The following LRRC36 variants were observed in gnomAD, a reference collection of about 807,000 sequenced individuals.
LRRC36 encodes leucine rich repeat containing 36.
In LRRC36, 62 loss-of-function variants were observed where a neutral mutation model predicts 81.1. The ratio of observed to expected loss-of-function variants is 0.76; its 90% confidence interval spans 0.62 to 0.94. The LOEUF (loss-of-function observed/expected upper bound fraction) is 0.94, where lower values mean the gene tolerates loss of function less well. Among genes scored for constraint, LRRC36 ranks in the 40% least tolerant of loss-of-function variants. The pLI is 0.00. For synonymous variants in LRRC36, 334 were observed against 348.6 expected (o/e 0.96, Z 0.47); for missense variants, 761 against 881.7 (o/e 0.86, Z 1.73).
chr16:67,340,649 C>G (rs1344536504), intron 1 of LRRC36, among the ~76,000 whole-genome samples: 1 of 151,432 alleles, frequency 6.6e-6, no homozygotes, highest in African/African-American at 2.4e-5. Context: ...GAGCAAGACT[C>G]CATCTCAAAA....
intron 1 of LRRC36, among the ~76,000 whole-genome samples, chr16:67,334,424 A>G (rs1371620154): frequency 6.6e-6 from 1 of 151,976 alleles, no homozygotes; most frequent in Non-Finnish European, 1.5e-5. Flanking sequence ...TCCTGGGTTC[A>G]AGTGATTCTC....
At position 67,382,119 on chromosome 16, in the gene LRRC36, T is replaced by C. The variant is rs372848117; in HGVS notation, c.1931-14T>C. The stretch of plus-strand genomic sequence containing the variant: ...TGGAATCCTTTTCACCCCTGGCTAC[T>C]GTGCCCTTTGTAGATGATCTTCTGC... On this transcript the variant is annotated splice_polypyrimidine_tract_variant and intron_variant, in intron 12 of 13. Transcript: ENST00000329956. 7.5e-5 allele frequency: 117 copies of C among 1,555,244 alleles called. No homozygotes were observed. Among genetic ancestry groups the C allele is most frequent in the African/African-American group, 1.8e-4 (13 of 73,880 alleles).
At chr16:67,329,575 A>G (rs968869761) in intron 1 of LRRC36, among the ~76,000 whole-genome samples, 2 of 152,124 alleles carry the variant, frequency 1.3e-5, no homozygotes, top group Non-Finnish European at 2.9e-5. Context: ...ATATCATGAA[A>G]TATCTAACTA....
intron 5 of LRRC36, among the ~76,000 whole-genome samples, chr16:67,355,186 A>G (rs1407434105): frequency 6.6e-6 from 1 of 152,152 alleles, no homozygotes; most frequent in Admixed American, 6.5e-5. Flanking sequence ...GTTGCTTCCA[A>G]GTTTTGGCAA....
intron 1 of LRRC36, among the ~76,000 whole-genome samples, chr16:67,340,992 T>TACTC (rs1567470099): frequency 9.9e-6 from 1 of 101,092 alleles, no homozygotes; most frequent in African/African-American, 7.7e-5. Context: ...AATATGTATA[T>TACTC]TATATATAGA....
At chr16:67,374,447 A>G (rs1422890160) in intron 9 of LRRC36, among the ~76,000 whole-genome samples, 2 of 152,132 alleles carry the variant, frequency 1.3e-5, no homozygotes, top group South Asian at 4.2e-4. Flanking sequence ...CAGGCTTGAG[A>G]GCAGTGGCAC....
chr16:67,382,329 A>G (rs1322453658), intron 13 of LRRC36, 82 bp downstream of exon 13: 1 of 959,302 alleles, frequency 1.0e-6, no homozygotes, highest in Non-Finnish European at 1.6e-6. Flanking sequence ...GAAAGTTAAT[A>G]TCTATGCACT....
chr16:67,377,995 G>A (rs2039969655), intron 11 of LRRC36, among the ~76,000 whole-genome samples: 1 of 152,178 alleles, frequency 6.6e-6, no homozygotes, highest in Non-Finnish European at 1.5e-5. Flanking sequence ...AGAAACTTTA[G>A]ATAGATCACT....
In LRRC36 at chr16:67,377,650, T is replaced by C. The variant is rs374232549; in HGVS notation, c.1806+778T>C. 2.7e-5 allele frequency among the ~76,000 whole-genome samples: 4 copies of C among 147,320 alleles called. No homozygotes were observed. In the East Asian group the frequency reaches 8.2e-4, roughly 30 times the overall value. On this transcript the variant is annotated intron_variant, in intron 11 of 13. Transcript: ENST00000329956. ...CCTGGCCGCCTTTTTTCTTCTTTTT[T>C]TTGAGATGGGGTCTTGTTCTGTCAC...
intron 13 of LRRC36, among the ~76,000 whole-genome samples, chr16:67,383,468 C>T (rs2040188445): frequency 6.6e-6 from 1 of 152,192 alleles, no homozygotes; most frequent in Admixed American, 6.5e-5. Context: ...TGGGCCTCAT[C>T]CCACAGTTTC....
rs553292096 is a variant in LRRC36 at position 67,367,042 on chromosome 16, G to C, written c.780G>C (p.Gln260His). The C allele has an allele frequency of 6.2e-7, 1 of 1,612,692 alleles. No homozygotes were observed. Among genetic ancestry groups the C allele is most frequent in the African/African-American group, 1.3e-5 (1 of 74,966 alleles). Reference protein sequence around the residue: ...EDEFRHYSPRQSTVRSPEKMT... With the variant: ...EDEFRHYSPRHSTVRSPEKMT... Reference sequence around the variant, plus strand: ...AGTTCAGACACTACTCGCCTCGTCAGTCCACAGTCCGATCCCCAGAGAAGA... The same window carrying C: ...AGTTCAGACACTACTCGCCTCGTCACTCCACAGTCCGATCCCCAGAGAAGA... Residue 260 changes from glutamine to histidine, a missense_variant, in exon 8 of 14, where the codon CAG becomes CAC. Physicochemically the swap from Gln to His is conservative, Grantham distance 24 (BLOSUM62 0). Around this residue, in one of 3 missense-constraint regions of LRRC36, gnomAD observed 139 missense variants for 214.0 expected, o/e 0.65. Transcript: ENST00000329956.
intron 1 of LRRC36, among the ~76,000 whole-genome samples, chr16:67,331,455 T>G (rs1233012807): frequency 6.6e-6 from 1 of 151,972 alleles, no homozygotes; most frequent in Non-Finnish European, 1.5e-5. Flanking sequence ...ACCCCAGGAG[T>G]TTTAGGCTGC....
chr16:67,335,890 G>A (rs931251684), intron 1 of LRRC36, among the ~76,000 whole-genome samples: 2 of 152,020 alleles, frequency 1.3e-5, no homozygotes, highest in Admixed American at 1.3e-4. Context: ...GTGCCACTAC[G>A]CCCAGCTAAT....
intron 5 of LRRC36, among the ~76,000 whole-genome samples, chr16:67,360,049 C>T (rs1004863333): frequency 3.3e-5 from 5 of 151,368 alleles, no homozygotes; most frequent in South Asian, 2.1e-4. Context: ...TGCTTGAAGC[C>T]GGGAGGCGGA....
intron 12 of LRRC36, among the ~76,000 whole-genome samples, chr16:67,379,726 T>G (rs984787223): frequency 7.2e-5 from 11 of 152,240 alleles, no homozygotes; most frequent in Non-Finnish European, 1.5e-4. Flanking sequence ...ATAATAAAAC[T>G]GTGTCCTGGT....
rs772164476 is a variant in LRRC36, at chr16:67,363,703, C to A, written c.691C>A (p.Leu231Met). 24 of 1,613,854 alleles carry A rather than the reference C, an allele frequency of 1.5e-5. 1 individual carries two copies. In the South Asian group the frequency reaches 2.2e-4, roughly 15 times the overall value. The change falls in exon 6 of 14, where the codon CTG becomes ATG. Residue 231 changes from leucine to methionine, a missense_variant. Leu to Met is a conservative substitution (Grantham distance 15). This residue lies in a region of LRRC36 where 263 missense variants were observed against 279.3 expected (regional missense o/e 0.94). Transcript: ENST00000329956. ...TRDQKLDTFPLGTQTQEVARR... is the reference protein window; with the variant it reads ...TRDQKLDTFPMGTQTQEVARR... The stretch of plus-strand genomic sequence containing the variant: ...TGATCAGAAATTAGACACCTTCCCA[C>A]TGGGGACACAGGTAATGTATTCACT...
chr16:67,358,785 G>A (rs2039020276), intron 5 of LRRC36, among the ~76,000 whole-genome samples: 1 of 152,066 alleles, frequency 6.6e-6, no homozygotes, highest in South Asian at 2.1e-4. Context: ...GCACATGAAA[G>A]ATGCTCAACA....
intron 6 of LRRC36, 54 bp from the exon 7 acceptor site, chr16:67,365,250 C>T: frequency 1.7e-6 from 2 of 1,177,538 alleles, no homozygotes; most frequent in East Asian, 2.4e-5. Context: ...CTAATAAGCT[C>T]ACATTTGAAC....
rs1156742689 is a variant in LRRC36 at position 67,355,363 on chromosome 16, CTTTTTTTTTTT to C, written c.577+5092_577+5102del. Among the ~76,000 whole-genome samples the C allele has an allele frequency of 1.3e-4, 10 of 77,702 alleles. No individual in the cohort carries two copies. In the East Asian group the frequency reaches 2.0e-3, roughly 15 times the overall value. The allele number at this position is 77,702 out of a possible 152,430, so 51.0% of individuals were successfully genotyped here. On this transcript the variant is annotated intron_variant, in intron 5 of 13. Transcript: ENST00000329956. ...TTCCAATATAATCTTTTTAAGATGT[CTTTTTTTTTTT>C]TTTTTTTTTTTTTTTTTTGAGACGG...
Sources: gnomAD v4.1 joint callset for allele counts (sites outside exome capture counted in the v4.1 genomes callset) on GRCh38, gnomAD v4.1.1 for gene constraint, gnomAD v4.1.1 regional missense constraint, MANE v1.5 for transcripts, NCBI Gene and HGNC (gene_info 2026-07-23, HGNC 2026-07-21) for gene names.